The following TSPEAR variants were observed in gnomAD, a reference collection of about 807,000 sequenced individuals.
TSPEAR encodes the protein thrombospondin-type laminin G domain and EAR repeat-containing protein.
A neutral mutation model predicts 71.6 loss-of-function variants in TSPEAR; 69 were observed. That is an observed-to-expected ratio of 0.96 (90% CI 0.79 to 1.18). The LOEUF (loss-of-function observed/expected upper bound fraction) is 1.18, where lower values mean the gene tolerates loss of function less well. Ranked by LOEUF, TSPEAR falls within the 50% of genes most tolerant of loss-of-function variation. TSPEAR has a pLI of 0.00. For synonymous variants in TSPEAR, 402 were observed against 387.2 expected (o/e 1.04, Z -0.45); for missense variants, 971 against 894.9 (o/e 1.09, Z -1.09).
intron 2 of TSPEAR, among the ~76,000 whole-genome samples, chr21:44,561,683 A>G (rs1252153858): frequency 1.3e-5 from 2 of 152,220 alleles, no homozygotes; most frequent in African/African-American, 2.4e-5. Flanking sequence ...AACATAGGCA[A>G]ATCGATAAAT....
intron 1 of TSPEAR, among the ~76,000 whole-genome samples, chr21:44,608,204 T>C (rs1981433814): frequency 1.3e-5 from 2 of 152,246 alleles, no homozygotes; most frequent in African/African-American, 4.8e-5. Context: ...TTACAGCATG[T>C]AATCATACTT....
chr21:44,549,033 C>T (rs587746265), intron 2 of TSPEAR, among the ~76,000 whole-genome samples: 13 of 152,342 alleles, frequency 8.5e-5, no homozygotes, highest in African/African-American at 2.2e-4. Flanking sequence ...CCGGTTGCCA[C>T]GAGAGCACAC....
intron 1 of TSPEAR, among the ~76,000 whole-genome samples, chr21:44,616,028 G>C (rs1464255876): frequency 6.6e-6 from 1 of 152,204 alleles, no homozygotes; most frequent in Non-Finnish European, 1.5e-5. Context: ...TCCCCCAGCG[G>C]AGGCCACACA....
In TSPEAR at chr21:44,506,815, C is replaced by T. The variant is rs782769331; in HGVS notation, c.1755-1934G>A. On this transcript the variant is annotated intron_variant, in intron 10 of 11. Transcript: ENST00000323084. This position sits in a 1 kb window ranked among gnomAD's most constrained non-coding sequence, Gnocchi z 4.2. ...AAGACAAGCGGCCACGTCGGATGTA[C>T]CAGTGGTGGAAGATCCTGTCCGGCT... 8 of 152,182 alleles carry T rather than the reference C, an allele frequency of 5.3e-5. No individual in the cohort carries two copies. The highest frequency in any genetic ancestry group is 1.0e-4 in the Non-Finnish European group (7 of 68,048). The allele number at this position is 152,182 out of a possible 1,614,324, so 9.4% of individuals were successfully genotyped here.
intron 1 of TSPEAR, chr21:44,676,839 C>T: frequency 2.1e-6 from 2 of 958,794 alleles, no homozygotes; most frequent in Non-Finnish European, 3.4e-6. Context: ...TTTGTTTCTC[C>T]AAGGCTAATG....
chr21:44,546,648 T>G lies in TSPEAR; in HGVS notation c.304-12725A>C, dbSNP rs1555917778. Among the ~76,000 whole-genome samples, 1 of 152,218 alleles carries G rather than the reference T, an allele frequency of 6.6e-6. No individual in the cohort carries two copies. Among genetic ancestry groups the G allele is most frequent in the African/African-American group, 2.4e-5 (1 of 41,456 alleles). ...CGGCCCCTCTTTCATTTTTGAAGGATAATTTTGTCAGATGCTGATGCCTTT... is the reference window on the plus strand; with the variant it reads ...CGGCCCCTCTTTCATTTTTGAAGGAGAATTTTGTCAGATGCTGATGCCTTT... On this transcript the variant is annotated intron_variant, in intron 2 of 11. Transcript: ENST00000323084. The surrounding 1 kb of genome is among the most constrained non-coding windows in gnomAD (Gnocchi z 4.4).
At chr21:44,708,123 G>C (rs1601588994) in intron 1 of TSPEAR, among the ~76,000 whole-genome samples, 1 of 152,088 alleles carries the variant, frequency 6.6e-6, no homozygotes, top group African/African-American at 2.4e-5. Context: ...GCAAGTGTGC[G>C]CTGGGGGTAA....
chr21:44,647,294 G>T (rs782727146), intron 1 of TSPEAR: 4 of 1,611,794 alleles, frequency 2.5e-6, no homozygotes, highest in African/African-American at 1.3e-5. Flanking sequence ...CTCCTCTGCC[G>T]CCCCGCAAGC....
intron 1 of TSPEAR, among the ~76,000 whole-genome samples, chr21:44,610,610 G>A (rs1162619906): frequency 1.3e-5 from 2 of 152,216 alleles, no homozygotes; most frequent in East Asian, 1.9e-4. Context: ...TAGGGCCAGG[G>A]CCCCCACACA....
chr21:44,593,553 C>A lies in TSPEAR; in HGVS notation c.83-25548G>T, dbSNP rs1323530540. Among the ~76,000 whole-genome samples, 1 of 152,202 alleles carries A rather than the reference C, an allele frequency of 6.6e-6. No homozygotes were observed. The highest frequency in any genetic ancestry group is 2.4e-5 in the African/African-American group (1 of 41,452). On this transcript the variant is annotated intron_variant, in intron 1 of 11. Coordinates refer to ENST00000323084, the MANE Select transcript of TSPEAR (RefSeq NM_144991.3). The surrounding 1 kb of genome is among the most constrained non-coding windows in gnomAD (Gnocchi z 5.9). ...GCCCACGGGGACCCCCGAAAAACTGCGTTCCTGGCCATGACAGGAAGGGAG... is the reference window on the plus strand; with the variant it reads ...GCCCACGGGGACCCCCGAAAAACTGAGTTCCTGGCCATGACAGGAAGGGAG...
At chr21:44,588,227 A>C (rs1015063033) in intron 1 of TSPEAR, among the ~76,000 whole-genome samples, 1 of 152,264 alleles carries the variant, frequency 6.6e-6, no homozygotes, top group Non-Finnish European at 1.5e-5. Flanking sequence ...ACATGAATGG[A>C]CAATTCTCAA....
intron 1 of TSPEAR, chr21:44,702,242 C>T (rs1601582774): frequency 2.5e-6 from 4 of 1,602,934 alleles, no homozygotes; most frequent in East Asian, 2.2e-5. Flanking sequence ...TCCACCAACT[C>T]CTGGCAGGTG....
chr21:44,559,701 T>A (rs1024412858), intron 2 of TSPEAR, among the ~76,000 whole-genome samples: 10 of 152,242 alleles, frequency 6.6e-5, no homozygotes, highest in African/African-American at 2.2e-4. Context: ...CACCTGTGTG[T>A]ATCAGCCCAT....
At chr21:44,676,913 G>T in intron 1 of TSPEAR, 1 of 887,812 alleles carries the variant, frequency 1.1e-6, no homozygotes, top group Non-Finnish European at 1.9e-6. Flanking sequence ...TCGATGTGAC[G>T]ATGTGCACGG....
chr21:44,585,817 C>T (rs112213332), intron 1 of TSPEAR, among the ~76,000 whole-genome samples: 1,706 of 152,326 alleles, frequency 0.011, 35 homozygotes, highest in African/African-American at 0.039. Flanking sequence ...GACTTTGCTT[C>T]TCTGTCATGC....
At chr21:44,578,539 G>A (rs142258318) in intron 1 of TSPEAR, among the ~76,000 whole-genome samples, 10 of 152,210 alleles carry the variant, frequency 6.6e-5, no homozygotes, top group Non-Finnish European at 1.5e-4. Context: ...GAGGGTGCTA[G>A]GGATTAGGGG....
chr21:44,646,738 C>A (rs781824147), intron 1 of TSPEAR: 1 of 1,606,756 alleles, frequency 6.2e-7, no homozygotes. Context: ...CACCTCCTCC[C>A]CCTGCCAGCA....
chr21:44,643,411 T>C (rs1984128821), intron 1 of TSPEAR, among the ~76,000 whole-genome samples: 1 of 152,168 alleles, frequency 6.6e-6, no homozygotes, highest in African/African-American at 2.4e-5. Context: ...ATCTTAAATG[T>C]CTCATCACAA....
At chr21:44,613,084 C>T (rs1162696313) in intron 1 of TSPEAR, 22 of 728,330 alleles carry the variant, frequency 3.0e-5, no homozygotes, top group South Asian at 5.7e-5. Flanking sequence ...AGCAGGTGCC[C>T]ACCTGCCTGC....
Sources: gnomAD v4.1 joint callset for allele counts (sites outside exome capture counted in the v4.1 genomes callset) on GRCh38, gnomAD v4.1.1 for gene constraint, Gnocchi (gnomAD v3.1) non-coding constraint, MANE v1.5 for transcripts, NCBI Gene and HGNC (gene_info 2026-07-23, HGNC 2026-07-21) for gene names.